C10orf71: variants seen among roughly 807,000 people sequenced by gnomAD.
C10orf71 encodes chromosome 10 open reading frame 71.
For synonymous variants in C10orf71, 758 were observed against 726.3 expected, an observed-to-expected ratio of 1.04 and a Z score of -0.70; for missense variants, 1,869 against 1,804.5, an observed-to-expected ratio of 1.04 and a Z score of -0.65.
At position 49,327,136 on chromosome 10, in the gene C10orf71, C is replaced by G. The variant is rs969996810; in HGVS notation, c.*283C>G. The G allele has an allele frequency of 4.8e-6, 5 of 1,031,680 alleles. No homozygotes were observed. The highest frequency in any genetic ancestry group is 2.5e-4 in the Middle Eastern group (1 of 3,944). The allele number at this position is 1,031,680 out of a possible 1,614,324, so 63.9% of individuals were successfully genotyped here. A position where few individuals can be genotyped will look rare whatever the true frequency, so the allele number is the denominator to read the frequency against. On this transcript the variant is annotated 3_prime_UTR_variant, in exon 3 of 3. Transcript: ENST00000374144. Reference sequence around the variant, plus strand: ...AGGCGCACTCTACTCCAGCCCTTCTCCCTCCCTCCCTTCCTCCCTCTCCTG... The same window carrying G: ...AGGCGCACTCTACTCCAGCCCTTCTGCCTCCCTCCCTTCCTCCCTCTCCTG...
intron 2 of C10orf71, among the ~76,000 whole-genome samples, chr10:49,319,711 T>C (rs1446880641): frequency 1.8e-4 from 5 of 27,490 alleles, no homozygotes; most frequent in African/African-American, 4.6e-4. Flanking sequence ...TATATATATA[T>C]ATATATATAT....
In C10orf71 at chr10:49,323,263, A is replaced by G. The variant is rs1564690104; in HGVS notation, c.718A>G (p.Asn240Asp). Residue 240 changes from asparagine (N) to aspartate (D), a missense_variant, in exon 3 of 3, where the codon AAT (asparagine) becomes GAT (aspartate). Coordinates refer to ENST00000374144, the MANE Select transcript of C10orf71 (RefSeq NM_001135196.2). ...HGSSSFLPAA[N>D]DTATLCESKF... ...CTCCAGCAGCTTCCTCCCAGCAGCC[A>G]ATGACACGGCCACCTTATGTGAGTC... is the stretch of plus-strand genomic sequence containing the variant. 4 of 1,613,754 alleles carry G rather than the reference A, an allele frequency of 2.5e-6. No individual in the cohort carries two copies. Among genetic ancestry groups the G allele is most frequent in the Non-Finnish European group, 3.4e-6 (4 of 1,179,862 alleles).
At position 49,326,519 on chromosome 10, in the gene C10orf71, C is replaced by A. The variant is rs572915320; in HGVS notation, c.3974C>A (p.Pro1325Gln). ...SEGASPEPPP[P>Q]DALAAPYVLY... ...GGGGCCTCCCCAGAGCCGCCCCCAC[C>A]GGACGCCCTGGCCGCTCCCTATGTG... The change falls in exon 3 of 3, where the codon CCG becomes CAG. Residue 1325 changes from proline to glutamine, a missense_variant. Transcript: ENST00000374144. 2.6e-6 allele frequency: 4 copies of A among 1,550,416 alleles called. No homozygotes were observed. The highest frequency in any genetic ancestry group is 2.7e-5 in the African/African-American group (2 of 73,120).
In C10orf71 at chr10:49,322,418, C is replaced by T; in HGVS notation, c.-128C>T. The T allele has an allele frequency of 8.4e-7, 1 of 1,187,328 alleles. No homozygotes were observed. The highest frequency in any genetic ancestry group is 1.1e-6 in the Non-Finnish European group (1 of 877,108). The allele number at this position is 1,187,328 out of a possible 1,614,324, so 73.5% of individuals were successfully genotyped here. A position where few individuals can be genotyped will look rare whatever the true frequency, so the allele number is the denominator to read the frequency against. On this transcript the variant is annotated 5_prime_UTR_variant, in exon 3 of 3. Transcript: ENST00000374144. ...CTTTTGCAGAGAAAAAAAAAAATCC[C>T]CACTTTGCAATTGCATCTGGTCAAT...
chr10:49,322,521 A>C lies in C10orf71; in HGVS notation c.-25A>C. On this transcript the variant is annotated 5_prime_UTR_variant, in exon 3 of 3. Transcript: ENST00000374144. The stretch of plus-strand genomic sequence containing the variant: ...CACCAGAGACACCTGCCGGCTGACA[A>C]GGACAGCTTTCTTGGAGCCAACAGA... 1 of 1,573,804 alleles carries C rather than the reference A, an allele frequency of 6.4e-7. No individual in the cohort carries two copies.
At position 49,324,011 on chromosome 10, in the gene C10orf71, G is replaced by C; in HGVS notation, c.1466G>C (p.Arg489Pro). ...AAGGAGCCCAGTGAATGTCAGTCTC[G>C]AGACAGCTACAAGTCCAAAGCCCCT... ...QEKEPSECQSRDSYKSKAPSL... is the reference protein window; with the variant it reads ...QEKEPSECQSPDSYKSKAPSL... The change falls in exon 3 of 3, where the codon CGA becomes CCA. Residue 489 changes from arginine (R) to proline (P), a missense_variant. Transcript: ENST00000374144. 6.2e-7 allele frequency: 1 copy of C among 1,613,488 alleles called. No individual in the cohort carries two copies. Among genetic ancestry groups the C allele is most frequent in the Non-Finnish European group, 8.5e-7 (1 of 1,179,680 alleles).
chr10:49,297,998 G>T (rs1038265720), upstream of C10orf71, among the ~76,000 whole-genome samples: 2 of 152,236 alleles, frequency 1.3e-5, no homozygotes, highest in Non-Finnish European at 2.9e-5. Context: ...GCTCCTGCTG[G>T]TTGGAATCTC....
chr10:49,323,569 G>T lies in C10orf71; in HGVS notation c.1024G>T (p.Ala342Ser). The change falls in exon 3 of 3, where the codon GCT becomes TCT. Residue 342 changes from alanine to serine, a missense_variant. Coordinates refer to ENST00000374144, the MANE Select transcript of C10orf71 (RefSeq NM_001135196.2). ...SQEENRLAAG[A>S]LSTSIPWGCR... ...GGAAGAGAACAGACTTGCAGCAGGG[G>T]CTCTGTCCACATCTATACCCTGGGG... 6.2e-7 allele frequency: 1 copy of T among 1,605,598 alleles called. No individual in the cohort carries two copies. Among genetic ancestry groups the T allele is most frequent in the Non-Finnish European group, 8.5e-7 (1 of 1,175,342 alleles).
At chr10:49,305,796 A>C (rs1334024201) in intron 1 of C10orf71, among the ~76,000 whole-genome samples, 3 of 152,284 alleles carry the variant, frequency 2.0e-5, no homozygotes, top group African/African-American at 7.2e-5. Context: ...TAAGTTGGGC[A>C]TAATTAGGGA....
intron 2 of C10orf71, among the ~76,000 whole-genome samples, chr10:49,317,875 G>A (rs953836048): frequency 3.7e-4 from 56 of 152,156 alleles, no homozygotes; most frequent in African/African-American, 1.3e-3. Flanking sequence ...ATTTTAAAAG[G>A]TTTTAAAAAG....
At position 49,324,259 on chromosome 10, in the gene C10orf71, C is replaced by T. The variant is rs763388167; in HGVS notation, c.1714C>T (p.Pro572Ser). Reference protein sequence around the residue: ...ADDPTASHINPQKDPTADPSE... With the variant: ...ADDPTASHINSQKDPTADPSE... ...TGACCCCACTGCATCACACATCAATCCCCAGAAGGACCCTACAGCTGACCC... is the reference window on the plus strand; with the variant it reads ...TGACCCCACTGCATCACACATCAATTCCCAGAAGGACCCTACAGCTGACCC... Residue 572 changes from proline (P) to serine (S), a missense_variant, in exon 3 of 3, where the codon CCC (proline) becomes TCC (serine). By Grantham distance (74) the Pro-to-Ser change is moderately conservative. Coordinates refer to ENST00000374144, the MANE Select transcript of C10orf71 (RefSeq NM_001135196.2). The T allele has an allele frequency of 1.2e-6, 2 of 1,613,944 alleles. No homozygotes were observed. The highest frequency in any genetic ancestry group is 2.2e-5 in the South Asian group (2 of 91,068).
intron 1 of C10orf71, among the ~76,000 whole-genome samples, chr10:49,308,537 T>A (rs2132407486): frequency 6.6e-6 from 1 of 152,340 alleles, no homozygotes; most frequent in East Asian, 1.9e-4. Flanking sequence ...ATGACCCTTA[T>A]GTATATCAAA....
In C10orf71 at chr10:49,325,582, G is replaced by T; in HGVS notation, c.3037G>T (p.Asp1013Tyr). ...TGCTTTACCCGAGGGTGACATAGAA[G>T]ACCAGCCACCCCCATGGCAGCCCGA... ...TIALPEGDIE[D>Y]QPPPWQPENC... Residue 1013 changes from aspartate to tyrosine, a missense_variant, in exon 3 of 3, where the codon GAC becomes TAC. Asp to Tyr is a radical substitution (Grantham distance 160). Coordinates refer to ENST00000374144, the MANE Select transcript of C10orf71 (RefSeq NM_001135196.2). 6.4e-7 allele frequency: 1 copy of T among 1,550,900 alleles called. No homozygotes were observed. Among genetic ancestry groups the T allele is most frequent in the Non-Finnish European group, 8.7e-7 (1 of 1,146,194 alleles).
intron 1 of C10orf71, among the ~76,000 whole-genome samples, chr10:49,311,726 C>T (rs1213065110): frequency 1.3e-5 from 2 of 152,208 alleles, no homozygotes; most frequent in East Asian, 3.8e-4. Context: ...ACAGAAGAGA[C>T]ATTCCAGGAA....
Position 49,326,536 on chromosome 10 carries a change from C to G in C10orf71, c.3991C>G (p.Pro1331Ala), listed in dbSNP as rs1332103658. 2 of 1,550,572 alleles carry G rather than the reference C, an allele frequency of 1.3e-6. No individual in the cohort carries two copies. The highest frequency in any genetic ancestry group is 4.9e-5 in the East Asian group (2 of 40,880). Residue 1331 changes from proline to alanine, a missense_variant, in exon 3 of 3, where the codon CCC becomes GCC. By Grantham distance (27) the Pro-to-Ala change is conservative. Transcript: ENST00000374144. ...EPPPPDALAA[P>A]YVLYPGFQPV... ...GCCCCCACCGGACGCCCTGGCCGCTCCCTATGTGCTGTACCCCGGCTTCCA... is the reference window on the plus strand; with the variant it reads ...GCCCCCACCGGACGCCCTGGCCGCTGCCTATGTGCTGTACCCCGGCTTCCA...
intron 1 of C10orf71, among the ~76,000 whole-genome samples, chr10:49,307,422 C>T (rs895617757): frequency 6.6e-6 from 1 of 152,218 alleles, no homozygotes; most frequent in Non-Finnish European, 1.5e-5. Flanking sequence ...TGGCTGAGTC[C>T]AGCCCATCTG....
chr10:49,327,150 C>A lies in C10orf71; in HGVS notation c.*297C>A. 2.2e-6 allele frequency: 2 copies of A among 924,562 alleles called. No homozygotes were observed. Among genetic ancestry groups the A allele is most frequent in the Non-Finnish European group, 3.0e-6 (2 of 661,820 alleles). The allele number at this position is 924,562 out of a possible 1,614,324, so 57.3% of individuals were successfully genotyped here. On this transcript the variant is annotated 3_prime_UTR_variant, in exon 3 of 3. Coordinates refer to ENST00000374144, the MANE Select transcript of C10orf71 (RefSeq NM_001135196.2). ...CCAGCCCTTCTCCCTCCCTCCCTTCCTCCCTCTCCTGGCCCACCCTGCTCT... is the reference window on the plus strand; with the variant it reads ...CCAGCCCTTCTCCCTCCCTCCCTTCATCCCTCTCCTGGCCCACCCTGCTCT...
chr10:49,319,975 C>T (rs1472929488), intron 2 of C10orf71, among the ~76,000 whole-genome samples: 1 of 151,792 alleles, frequency 6.6e-6, no homozygotes, highest in Non-Finnish European at 1.5e-5. Flanking sequence ...TGGTGGCTTC[C>T]AGGGGGGAGG....
intron 1 of C10orf71, among the ~76,000 whole-genome samples, chr10:49,310,170 C>T (rs1040592463): frequency 5.3e-5 from 8 of 152,204 alleles, no homozygotes; most frequent in East Asian, 1.9e-4. Context: ...CTGAGCCTCC[C>T]GCAGCACCAG....
Sources: allele counts gnomAD v4.1 joint callset (sites outside exome capture counted in the v4.1 genomes callset), GRCh38; gene constraint gnomAD v4.1.1; transcripts MANE v1.5; gene names NCBI Gene and HGNC (gene_info 2026-07-23, HGNC 2026-07-21).